RNPC3: variants seen among roughly 807,000 people sequenced by gnomAD.
The protein encoded by RNPC3 is RNA binding region (RNP1, RRM) containing 3, also known as RNA-binding region-containing protein 3.
Under a neutral mutation model 67.5 loss-of-function variants are expected in RNPC3, and 48 were observed. The observed-to-expected ratio is 0.71, with a 90% confidence interval of 0.56 to 0.90. The LOEUF (loss-of-function observed/expected upper bound fraction) is 0.90, where lower values mean the gene tolerates loss of function less well. RNPC3 is among the 40% of genes least tolerant of loss of function. The pLI is 0.00. For missense variants in RNPC3, 637 were observed against 626.1 expected, an observed-to-expected ratio of 1.02 and a Z score of -0.19; for synonymous variants, 239 against 210.3, an observed-to-expected ratio of 1.14 and a Z score of -1.18.
chr1:103,549,059 G>C (rs151171462), intron 12 of RNPC3, among the ~76,000 whole-genome samples: 2 of 152,088 alleles, frequency 1.3e-5, no homozygotes, highest in Non-Finnish European at 2.9e-5. Flanking sequence ...CTTTCACAGC[G>C]TTCCTCCCAT....
chr1:103,552,485 AG>A (rs1414485436), intron 14 of RNPC3: 12 of 152,232 alleles, frequency 7.9e-5, no homozygotes, highest in African/African-American at 2.9e-4. Flanking sequence ...ATTCTGGCTG[AG>A]CACGGTGGCT....
At chr1:103,528,943 T>A (rs1449437069) in intron 2 of RNPC3, among the ~76,000 whole-genome samples, 1 of 152,184 alleles carries the variant, frequency 6.6e-6, no homozygotes, top group African/African-American at 2.4e-5. Flanking sequence ...ATGACCCAAA[T>A]TCTCATCGGT....
intron 2 of RNPC3, among the ~76,000 whole-genome samples, chr1:103,528,451 A>T (rs1369130500): frequency 6.6e-6 from 1 of 152,188 alleles, no homozygotes; most frequent in African/African-American, 2.4e-5. Flanking sequence ...AGAAGACAGT[A>T]AGAAGACAAA....
At chr1:103,527,055 A>G (rs1015850171) in intron 1 of RNPC3, among the ~76,000 whole-genome samples, 2 of 152,162 alleles carry the variant, frequency 1.3e-5, no homozygotes, top group Non-Finnish European at 2.9e-5. Flanking sequence ...CAATTTAAGT[A>G]CATCAGGTCA....
At chr1:103,547,431 C>CAT (rs1651272594) in intron 12 of RNPC3, among the ~76,000 whole-genome samples, 1 of 152,108 alleles carries the variant, frequency 6.6e-6, no homozygotes, top group Non-Finnish European at 1.5e-5. Flanking sequence ...CAGACTTTAA[C>CAT]ATTGCATAAG....
At chr1:103,542,818 T>G (rs1452983746) in intron 8 of RNPC3, among the ~76,000 whole-genome samples, 3 of 151,908 alleles carry the variant, frequency 2.0e-5, no homozygotes, top group African/African-American at 4.8e-5. Flanking sequence ...TATGCTGAAA[T>G]AATATTTTGG....
At chr1:103,526,388 A>G in intron 1 of RNPC3, 126 bp downstream of exon 1, 3 of 689,204 alleles carry the variant, frequency 4.4e-6, no homozygotes, top group Non-Finnish European at 7.0e-6. Context: ...GAGCTCCCCC[A>G]TCCTACCTCT....
intron 2 of RNPC3, among the ~76,000 whole-genome samples, chr1:103,533,259 C>G (rs1401835252): frequency 6.6e-6 from 1 of 151,940 alleles, no homozygotes; most frequent in Non-Finnish European, 1.5e-5. Context: ...ATTCTGTTGT[C>G]TCAAAGTAGA....
Position 103,526,352 on chromosome 1 carries a change from G to T in RNPC3, c.192+90G>T, listed in dbSNP as rs146220056. The T allele has an allele frequency of 3.6e-3, 4,015 of 1,106,990 alleles. 10 individuals are homozygous for T. The highest frequency in any genetic ancestry group is 4.5e-3 in the Non-Finnish European group (3,562 of 788,112). The allele number at this position is 1,106,990 out of a possible 1,614,324, so 68.6% of individuals were successfully genotyped here. ...GCTGACAAGAGTAAAATGGAAACGAGTGGGGAAGATGGACTTGTGTGATGA... is the reference window on the plus strand; with the variant it reads ...GCTGACAAGAGTAAAATGGAAACGATTGGGGAAGATGGACTTGTGTGATGA... On this transcript the variant is annotated intron_variant, in intron 1 of 14. Transcript: ENST00000423855.
At chr1:103,532,109 T>C (rs968276056) in intron 2 of RNPC3, among the ~76,000 whole-genome samples, 5 of 152,220 alleles carry the variant, frequency 3.3e-5, no homozygotes, top group Non-Finnish European at 7.3e-5. Flanking sequence ...TTTATGTTTT[T>C]GTTTGCTTTC....
rs548811455 is a variant in RNPC3 at position 103,535,957 on chromosome 1, A to C, written c.556-169A>C. Among the ~76,000 whole-genome samples the C allele has an allele frequency of 1.0e-3, 153 of 152,226 alleles. 1 individual carries two copies. The highest frequency in any genetic ancestry group is 1.9e-3 in the Admixed American group (29 of 15,296). On this transcript the variant is annotated intron_variant, in intron 5 of 14. Coordinates refer to ENST00000423855, the MANE Select transcript of RNPC3 (RefSeq NM_017619.4). Reference sequence around the variant, plus strand: ...GACATTTTAGGAAGGTTAATCTGAGATATACTAATGCCTTGTTTTACCTTA... The same window carrying C: ...GACATTTTAGGAAGGTTAATCTGAGCTATACTAATGCCTTGTTTTACCTTA...
In RNPC3 at chr1:103,533,827, G is replaced by A. The variant is rs1344203513; in HGVS notation, c.329G>A (p.Cys110Tyr). The A allele has an allele frequency of 3.9e-6, 6 of 1,525,360 alleles. No individual in the cohort carries two copies. The African/African-American group carries it at 7.0e-5, about 18-fold the overall frequency. 94.5% of individuals were successfully genotyped at this position (1,525,360 alleles called of 1,614,324 possible). The change falls in exon 3 of 15, where the codon TGT becomes TAT. Residue 110 changes from cysteine (C) to tyrosine (Y), a missense_variant. Coordinates refer to ENST00000423855, the MANE Select transcript of RNPC3 (RefSeq NM_017619.4). The part of the protein sequence containing the change: ...AKEQDRVHSP[C>Y]PTSGSEKKKR... ...GAGCAAGATCGAGTTCACTCCCCAT[G>A]TCCCACTTCAGGCTCTGAAAAAAAA...
intron 12 of RNPC3, among the ~76,000 whole-genome samples, chr1:103,548,579 A>G (rs1017137791): frequency 1.3e-5 from 2 of 152,140 alleles, no homozygotes; most frequent in African/African-American, 2.4e-5. Flanking sequence ...CATTGTCCAT[A>G]TCATTATCAG....
chr1:103,528,848 T>G (rs990402087), intron 2 of RNPC3, among the ~76,000 whole-genome samples: 2 of 152,152 alleles, frequency 1.3e-5, no homozygotes, highest in African/African-American at 4.8e-5. Context: ...AAGAGAAGTG[T>G]GTTTTAAGAA....
intron 8 of RNPC3, among the ~76,000 whole-genome samples, chr1:103,542,107 C>G (rs1651136462): frequency 6.6e-6 from 1 of 151,920 alleles, no homozygotes; most frequent in African/African-American, 2.4e-5. Flanking sequence ...AGTTAATAGT[C>G]TTAAGTATAA....
In RNPC3 at chr1:103,546,369, G is replaced by A. The variant is rs1401390110; in HGVS notation, c.1302+27G>A. ...TAGGTATAAATTGATTTTTTTTCAT[G>A]TAAATGAAAATAATTTGAAGGTTTT... On this transcript the variant is annotated intron_variant, in intron 11 of 14. Coordinates refer to ENST00000423855, the MANE Select transcript of RNPC3 (RefSeq NM_017619.4). The A allele has an allele frequency of 8.8e-6, 10 of 1,140,100 alleles. No homozygotes were observed. In the Admixed American group the frequency reaches 2.2e-4, roughly 25 times the overall value. 70.6% of individuals were successfully genotyped at this position (1,140,100 alleles called of 1,614,324 possible). A position where few individuals can be genotyped will look rare whatever the true frequency, so the allele number is the denominator to read the frequency against.
At chr1:103,553,762 T>G (rs1651456733) in intron 14 of RNPC3, 1 of 152,198 alleles carries the variant, frequency 6.6e-6, no homozygotes, top group Non-Finnish European at 1.5e-5. Context: ...AATTAAGATG[T>G]CTGGATTACT....
rs994076311 is a variant in RNPC3 at position 103,546,289 on chromosome 1, G to A, written c.1249G>A (p.Glu417Lys). 2.8e-5 allele frequency: 42 copies of A among 1,476,130 alleles called. No individual in the cohort carries two copies. The highest frequency in any genetic ancestry group is 3.6e-5 in the Non-Finnish European group (40 of 1,120,292). 91.4% of individuals were successfully genotyped at this position (1,476,130 alleles called of 1,614,324 possible). Residue 417 changes from glutamate (E) to lysine (K), a missense_variant, in exon 11 of 15, where the codon GAA (glutamate) becomes AAA (lysine). Around this residue, in one of 3 missense-constraint regions of RNPC3, gnomAD observed 5 missense variants for 20.1 expected, o/e 0.25. Coordinates refer to ENST00000423855, the MANE Select transcript of RNPC3 (RefSeq NM_017619.4). ...LSVFRSYEPGEPNCRIYVKNL... is the reference protein window; with the variant it reads ...LSVFRSYEPGKPNCRIYVKNL... Reference sequence around the variant, plus strand: ...AGTTTTCAGAAGTTATGAACCGGGTGAACCAAACTGTAGAATTTATGTAAA... The same window carrying A: ...AGTTTTCAGAAGTTATGAACCGGGTAAACCAAACTGTAGAATTTATGTAAA...
chr1:103,532,955 T>C (rs1295033636), intron 2 of RNPC3, among the ~76,000 whole-genome samples: 3 of 151,990 alleles, frequency 2.0e-5, no homozygotes, highest in Non-Finnish European at 4.4e-5. Context: ...AAACTAATAA[T>C]ACAAATTTAG....
Sources: gnomAD v4.1 joint callset for allele counts (sites outside exome capture counted in the v4.1 genomes callset) on GRCh38, gnomAD v4.1.1 for gene constraint, gnomAD v4.1.1 regional missense constraint, MANE v1.5 for transcripts, NCBI Gene and HGNC (gene_info 2026-07-23, HGNC 2026-07-21) for gene names.